SULT1C4: variants seen among roughly 807,000 people sequenced by gnomAD.
The protein encoded by SULT1C4 is sulfotransferase family 1C member 4, also known as sulfotransferase 1C4.
A neutral mutation model predicts 34.8 loss-of-function variants in SULT1C4; 32 were observed. That is an observed-to-expected ratio of 0.92 (90% confidence interval 0.69 to 1.23). The LOEUF (loss-of-function observed/expected upper bound fraction) is 1.23. SULT1C4 is among the 50% of genes most tolerant of loss of function. SULT1C4 has a pLI of 0.00. For synonymous variants in SULT1C4, 111 were observed against 120.5 expected, an observed-to-expected ratio of 0.92 and a Z score of 0.51; for missense variants, 375 against 365.9, an observed-to-expected ratio of 1.02 and a Z score of -0.20.
chr2:108,386,248 C>A lies in SULT1C4; in HGVS notation c.672C>A (p.Asp224Glu). ...LAEFIGKKLD[D>E]KVLDKIVHYT... ...AATTTATTGGGAAGAAATTAGATGA[C>A]AAAGTTCTAGATAAAATTGTCCATT... Residue 224 changes from aspartate (D) to glutamate (E), a missense_variant, in exon 6 of 7, where the codon GAC (aspartate) becomes GAA (glutamate). Physicochemically the swap from Asp to Glu is conservative, Grantham distance 45. Coordinates refer to ENST00000272452, the MANE Select transcript of SULT1C4 (RefSeq NM_006588.4). 6.4e-7 allele frequency: 1 copy of A among 1,562,794 alleles called. No individual in the cohort carries two copies. The highest frequency in any genetic ancestry group is 8.7e-7 in the Non-Finnish European group (1 of 1,153,184).
At chr2:108,378,972 T>C (rs1007466895) in intron 1 of SULT1C4, among the ~76,000 whole-genome samples, 82 of 152,304 alleles carry the variant, frequency 5.4e-4, no homozygotes, top group African/African-American at 1.9e-3. Context: ...ACCATCCTTC[T>C]GATTTCCACC....
intron 5 of SULT1C4, 55 bp from the exon 6 acceptor site, chr2:108,386,137 T>C (rs1678561024): frequency 1.5e-6 from 2 of 1,292,136 alleles, no homozygotes; most frequent in Non-Finnish European, 2.0e-6. Context: ...CATCATAATA[T>C]TCTTTTTAAA....
At chr2:108,385,455 T>C (rs1678542707) in intron 5 of SULT1C4, among the ~76,000 whole-genome samples, 1 of 152,230 alleles carries the variant, frequency 6.6e-6, no homozygotes, top group South Asian at 2.1e-4. Context: ...CTCTGATTCC[T>C]AGCCTGTGTG....
intron 1 of SULT1C4, among the ~76,000 whole-genome samples, chr2:108,378,791 GTTT>G (rs1678312593): frequency 6.9e-6 from 1 of 144,138 alleles, no homozygotes; most frequent in Non-Finnish European, 1.5e-5. Context: ...GGGTAGACTT[GTTT>G]ATTTATTCAT....
At chr2:108,382,677 G>A in intron 3 of SULT1C4, 195 bp downstream of exon 3, 1 of 551,116 alleles carries the variant, frequency 1.8e-6, no homozygotes, top group Non-Finnish European at 3.2e-6. Flanking sequence ...ACTGAGATGG[G>A]TGGATCAGTT....
At chr2:108,383,620 C>A in intron 5 of SULT1C4, 110 bp downstream of exon 5, 1 of 897,670 alleles carries the variant, frequency 1.1e-6, no homozygotes. Flanking sequence ...AAAATTGCTG[C>A]ACTTCATTGG....
chr2:108,381,716 G>A (rs781421769), intron 1 of SULT1C4, 46 bp from the exon 2 acceptor site: 2 of 1,339,466 alleles, frequency 1.5e-6, no homozygotes, highest in African/African-American at 3.0e-5. Context: ...TTTAAGGAAT[G>A]TACTATACTA....
intron 5 of SULT1C4, among the ~76,000 whole-genome samples, chr2:108,384,073 T>A (rs1678504323): frequency 6.6e-6 from 1 of 152,002 alleles, no homozygotes; most frequent in Admixed American, 6.5e-5. Flanking sequence ...TTCACCATGT[T>A]GGCCAGGCTG....
intron 5 of SULT1C4, 67 bp from the exon 6 acceptor site, chr2:108,386,125 T>C: frequency 8.3e-7 from 1 of 1,209,518 alleles, no homozygotes; most frequent in Non-Finnish European, 1.1e-6. Flanking sequence ...CTGTCATTAA[T>C]CCATCATAAT....
intron 3 of SULT1C4, 119 bp from the exon 4 acceptor site, chr2:108,382,974 A>G (rs1378388021): frequency 1.8e-5 from 19 of 1,028,878 alleles, no homozygotes; most frequent in Non-Finnish European, 2.5e-5. Context: ...CTCAGAAAAA[A>G]TGAACTGTAT....
At chr2:108,384,278 G>A (rs1435767936) in intron 5 of SULT1C4, among the ~76,000 whole-genome samples, 1 of 150,406 alleles carries the variant, frequency 6.6e-6, no homozygotes, top group African/African-American at 2.4e-5. Flanking sequence ...CACCCAGGCT[G>A]GAGTGCAGTG....
intron 5 of SULT1C4, among the ~76,000 whole-genome samples, chr2:108,384,826 G>A (rs1051491369): frequency 1.3e-5 from 2 of 152,170 alleles, no homozygotes; most frequent in Non-Finnish European, 2.9e-5. Flanking sequence ...TGAATTGGTC[G>A]TTGAAAGCCT....
chr2:108,383,224 G>C lies in SULT1C4; in HGVS notation c.520+5G>C, dbSNP rs1297844822. 6.2e-7 allele frequency: 1 copy of C among 1,607,936 alleles called. No individual in the cohort carries two copies. On this transcript the variant is annotated splice_donor_5th_base_variant and intron_variant, in intron 4 of 6. Transcript: ENST00000272452. ...AGACTTTTCTGGCTGGGAAAGGTGA[G>C]AGAATTTAGCTTTGTTTCCCTTCGT...
In SULT1C4 at chr2:108,381,858, T is replaced by G; in HGVS notation, c.266T>G (p.Leu89Arg). ...CCGACTCATCAACGATTTCCTTTCC[T>G]CGAAATGAAAATCCCATCCTTAGGA... is the stretch of plus-strand genomic sequence containing the variant. ...RAPTHQRFPFLEMKIPSLGSG... is the reference protein window; with the variant it reads ...RAPTHQRFPFREMKIPSLGSG... The change falls in exon 2 of 7, where the codon CTC (leucine) becomes CGC (arginine). Residue 89 changes from leucine (L) to arginine (R), a missense_variant. Physicochemically the swap from Leu to Arg is moderately radical, Grantham distance 102. Transcript: ENST00000272452. The G allele has an allele frequency of 1.3e-6, 2 of 1,503,190 alleles. No individual in the cohort carries two copies. Among genetic ancestry groups the G allele is most frequent in the Non-Finnish European group, 1.8e-6 (2 of 1,132,338 alleles). 93.1% of individuals were successfully genotyped at this position (1,503,190 alleles called of 1,614,324 possible).
intron 3 of SULT1C4, chr2:108,382,699 T>A (rs1678442352): frequency 6.0e-6 from 3 of 500,508 alleles, no homozygotes; most frequent in Non-Finnish European, 1.1e-5. Flanking sequence ...AGGTCAGGGG[T>A]TCAAGACCAG....
At position 108,388,794 on chromosome 2, in the gene SULT1C4, T is replaced by C. The variant is rs1052684553; in HGVS notation, c.*1362T>C. ...CTTACCACTTCCTACCCTCCCAGTT[T>C]TATTTATACCAAGCCTCCTCCTGAA... On this transcript the variant is annotated 3_prime_UTR_variant, in exon 7 of 7. Coordinates refer to ENST00000272452, the MANE Select transcript of SULT1C4 (RefSeq NM_006588.4). Among the ~76,000 whole-genome samples the C allele has an allele frequency of 2.0e-5, 3 of 152,156 alleles. No individual in the cohort carries two copies. The highest frequency in any genetic ancestry group is 1.3e-4 in the Admixed American group (2 of 15,276).
chr2:108,387,576 A>C lies in SULT1C4; in HGVS notation c.*144A>C, dbSNP rs567031164. 6.2e-6 allele frequency: 4 copies of C among 644,598 alleles called. No homozygotes were observed. The highest frequency in any genetic ancestry group is 1.9e-5 in the African/African-American group (1 of 53,212). 39.9% of individuals were successfully genotyped at this position (644,598 alleles called of 1,614,324 possible). A position where few individuals can be genotyped will look rare whatever the true frequency, so the allele number is the denominator to read the frequency against. ...TTGCTCTTATTCACTCTACTAAAAA[A>C]TTATTTTAAAAGGCTGGAGGCAAGG... On this transcript the variant is annotated 3_prime_UTR_variant, in exon 7 of 7. Transcript: ENST00000272452.
intron 6 of SULT1C4, among the ~76,000 whole-genome samples, chr2:108,387,108 A>T (rs1678586781): frequency 6.6e-6 from 1 of 152,250 alleles, no homozygotes; most frequent in African/African-American, 2.4e-5. Context: ...TAATGCAACC[A>T]GGTGGCAAGA....
intron 6 of SULT1C4, among the ~76,000 whole-genome samples, chr2:108,386,936 T>C (rs1678582578): frequency 6.6e-6 from 1 of 152,220 alleles, no homozygotes; most frequent in African/African-American, 2.4e-5. Flanking sequence ...CTTCTTCAAA[T>C]GGTACCTTGG....
Sources: gnomAD v4.1 joint callset for allele counts (sites outside exome capture counted in the v4.1 genomes callset) on GRCh38, gnomAD v4.1.1 for gene constraint, MANE v1.5 for transcripts, NCBI Gene and HGNC (gene_info 2026-07-23, HGNC 2026-07-21) for gene names.